Variants in ALK observed in about 807,000 individuals in gnomAD.
ALK encodes ALK tyrosine kinase receptor.
Under a neutral mutation model 163.1 loss-of-function variants are expected in ALK, and 74 were observed. The ratio of observed to expected loss-of-function variants is 0.45; its 90% CI spans 0.38 to 0.55. The LOEUF (loss-of-function observed/expected upper bound fraction) is 0.55. Among genes scored for constraint, ALK ranks in the 20% least tolerant of loss-of-function variants. ALK has a pLI of 0.00. For synonymous variants in ALK, 960 were observed against 843.2 expected (o/e 1.14, Z -2.40); for missense variants, 2,063 against 2,105.3 (o/e 0.98, Z 0.39).
chr2:29,342,877 CTTTTTTTTT>C (rs57838065), intron 5 of ALK, among the ~76,000 whole-genome samples: 2 of 90,452 alleles, frequency 2.2e-5, no homozygotes, highest in African/African-American at 8.9e-5. Context: ...GCTCAGTGAT[CTTTTTTTTT>C]TTTTTTTTTT....
rs1664234806 is a variant in ALK at position 29,232,302 on chromosome 2, A to G, written c.2632+2T>C. 2 of 1,614,046 alleles carry G rather than the reference A, an allele frequency of 1.2e-6. No homozygotes were observed. The highest frequency in any genetic ancestry group is 1.7e-6 in the Non-Finnish European group (2 of 1,180,040). ...GGAGAGGGCACGCTTGCAGCGCTTT[A>G]CCTGCGGCTCCGGAATTGCCGTTTA... On this transcript the variant is annotated splice_donor_variant, in intron 15 of 28. Transcript: ENST00000389048. LOFTEE classifies it high-confidence loss of function.
Position 29,605,150 on chromosome 2 carries a change from CA to C in ALK, c.953-73035del, listed in dbSNP as rs566613142. On this transcript the variant is annotated intron_variant, in intron 3 of 28. Coordinates refer to ENST00000389048, the MANE Select transcript of ALK (RefSeq NM_004304.5). ...TCGTGGAAGACAGTTTTTCCACGGA[CA>C]GGGGGGTGGGTAGCGATTACGTTCT... 3.0e-3 allele frequency among the ~76,000 whole-genome samples: 452 copies of C among 152,290 alleles called. 1 individual carries two copies. Among genetic ancestry groups the C allele is most frequent in the African/African-American group, 0.01 (435 of 41,566 alleles).
At chr2:29,419,485 G>T (rs1406321109) in intron 4 of ALK, among the ~76,000 whole-genome samples, 1 of 151,412 alleles carries the variant, frequency 6.6e-6, no homozygotes, top group African/African-American at 2.5e-5. Flanking sequence ...CCTTCTGGGT[G>T]GAGGAACAAG....
intron 3 of ALK, among the ~76,000 whole-genome samples, chr2:29,586,560 C>T (rs1573478364): frequency 6.6e-6 from 1 of 152,232 alleles, no homozygotes; most frequent in East Asian, 1.9e-4. Flanking sequence ...GGCCTAGGCC[C>T]ATGACAATAT....
chr2:29,272,139 G>T (rs1665406148), intron 11 of ALK, among the ~76,000 whole-genome samples: 1 of 151,302 alleles, frequency 6.6e-6, no homozygotes, highest in Non-Finnish European at 1.5e-5. Flanking sequence ...ACAGGGAGGG[G>T]AAAGAGATAG....
chr2:29,861,190 A>G (rs1472463004), intron 1 of ALK, among the ~76,000 whole-genome samples: 1 of 152,182 alleles, frequency 6.6e-6, no homozygotes, highest in Non-Finnish European at 1.5e-5. Flanking sequence ...GGAGGAGGGT[A>G]AGGAGAAGGA....
chr2:29,474,442 C>T (rs1393238283), intron 4 of ALK, among the ~76,000 whole-genome samples: 1 of 152,012 alleles, frequency 6.6e-6, no homozygotes. Flanking sequence ...TATCCACTGA[C>T]GTGTGGTTTT....
At chr2:29,836,797 C>T (rs1665573115) in intron 1 of ALK, among the ~76,000 whole-genome samples, 1 of 152,132 alleles carries the variant, frequency 6.6e-6, no homozygotes, top group African/African-American at 2.4e-5. Context: ...ACTGTTATTC[C>T]AGCTTAATAT....
intron 4 of ALK, among the ~76,000 whole-genome samples, chr2:29,467,255 A>AG (rs1054122113): frequency 3.9e-5 from 6 of 151,920 alleles, no homozygotes; most frequent in Non-Finnish European, 8.8e-5. Context: ...AAAAAAAAAA[A>AG]AATGGCAAGC....
At chr2:29,290,778 G>A (rs1414494133) in intron 9 of ALK, among the ~76,000 whole-genome samples, 1 of 152,214 alleles carries the variant, frequency 6.6e-6, no homozygotes, top group Non-Finnish European at 1.5e-5. Context: ...CTCCAGTGCT[G>A]GGGAGGAAAC....
chr2:29,589,330 G>A (rs1334808344), intron 3 of ALK, among the ~76,000 whole-genome samples: 1 of 152,172 alleles, frequency 6.6e-6, no homozygotes, highest in Non-Finnish European at 1.5e-5. Context: ...ACAAATTGCC[G>A]TGAATATACC....
At chr2:29,762,623 A>G (rs916144625) in intron 1 of ALK, among the ~76,000 whole-genome samples, 2 of 152,236 alleles carry the variant, frequency 1.3e-5, no homozygotes, top group Admixed American at 6.5e-5. Context: ...CTTAAAATGT[A>G]GCAGCTCTTA....
intron 3 of ALK, among the ~76,000 whole-genome samples, chr2:29,669,725 A>T (rs2148269080): frequency 6.6e-6 from 1 of 151,954 alleles, no homozygotes; most frequent in Middle Eastern, 3.4e-3. Context: ...GTGTGTTTTA[A>T]TTTGTTGCTT....
intron 4 of ALK, among the ~76,000 whole-genome samples, chr2:29,521,761 C>T (rs1351346955): frequency 1.3e-5 from 2 of 152,182 alleles, no homozygotes; most frequent in Non-Finnish European, 2.9e-5. Flanking sequence ...TGGACAGTTT[C>T]CTTATGGCTC....
At chr2:29,759,529 G>C (rs1229120196) in intron 1 of ALK, among the ~76,000 whole-genome samples, 1 of 152,202 alleles carries the variant, frequency 6.6e-6, no homozygotes, top group Non-Finnish European at 1.5e-5. Context: ...TACAGTGCAG[G>C]AATCTTTCCC....
chr2:29,207,872 C>T (rs993673625), intron 25 of ALK, among the ~76,000 whole-genome samples: 2 of 152,208 alleles, frequency 1.3e-5, no homozygotes, highest in African/African-American at 4.8e-5. Context: ...GTCATTAATG[C>T]AACTCACTGC....
chr2:29,672,726 C>G (rs1257450460), intron 3 of ALK, among the ~76,000 whole-genome samples: 14 of 152,128 alleles, frequency 9.2e-5, no homozygotes, highest in Admixed American at 5.2e-4. Context: ...GGTATTTCTA[C>G]TTCTAGATCC....
At chr2:29,222,708 C>T (rs917241690) in intron 20 of ALK, 101 bp from the exon 21 acceptor site, 29 of 987,034 alleles carry the variant, frequency 2.9e-5, no homozygotes, top group African/African-American at 2.4e-4. Flanking sequence ...TGGACAAACA[C>T]GAGAGGCGGG....
Position 29,296,956 on chromosome 2 carries a change from A to T in ALK, c.1749T>A (p.His583Gln), listed in dbSNP as rs761184891. 2 of 1,614,214 alleles carry T rather than the reference A, an allele frequency of 1.2e-6. No individual in the cohort carries two copies. Among genetic ancestry groups the T allele is most frequent in the Non-Finnish European group, 1.7e-6 (2 of 1,180,024 alleles). ...GGCTCAAGCCTTCATAGGCGGCGAC[A>T]TGCCAGACCATCCTGCCTTGCTCCT... Reference protein sequence around the residue: ...TGKEQGRMVWHVAAYEGLSLW... With the variant: ...TGKEQGRMVWQVAAYEGLSLW... Residue 583 changes from histidine (H) to glutamine (Q), a missense_variant, in exon 9 of 29, where the codon CAT becomes CAA. By Grantham distance (24) the His-to-Gln change is conservative. This residue lies in a region of ALK where 987 missense variants were observed against 939.5 expected (regional missense o/e 1.05). Coordinates refer to ENST00000389048, the MANE Select transcript of ALK (RefSeq NM_004304.5).
Sources: allele counts gnomAD v4.1 joint callset (sites outside exome capture counted in the v4.1 genomes callset), GRCh38; gene constraint gnomAD v4.1.1; regional missense constraint gnomAD v4.1.1; transcripts MANE v1.5; gene names NCBI Gene and HGNC (gene_info 2026-07-23, HGNC 2026-07-21).